The following MLLT1 variants were observed in gnomAD, a reference collection of about 807,000 sequenced individuals.
MLLT1 encodes MLLT1 super elongation complex subunit, also known as protein ENL.
In MLLT1, 11 loss-of-function variants were observed where a neutral mutation model predicts 55.1. That is an observed-to-expected ratio of 0.20 (90% CI 0.13 to 0.33). The LOEUF (loss-of-function observed/expected upper bound fraction) is 0.33. Among genes scored for constraint, MLLT1 ranks in the 10% least tolerant of loss-of-function variants. The pLI, the probability that MLLT1 is intolerant of heterozygous loss-of-function variation, is 1.00. For missense variants in MLLT1, 536 were observed against 760.6 expected (o/e 0.70, Z 3.47); for synonymous variants, 323 against 320.1 (o/e 1.01, Z -0.10).
chr19:6,211,931 C>A lies in MLLT1; in HGVS notation c.*1111G>T, dbSNP rs184943077. The A allele has an allele frequency of 3.8e-6, 4 of 1,065,110 alleles. No individual in the cohort carries two copies. Among genetic ancestry groups the A allele is most frequent in the Non-Finnish European group, 3.4e-6 (3 of 879,070 alleles). 66.0% of individuals were successfully genotyped at this position (1,065,110 alleles called of 1,614,324 possible). Reference sequence around the variant, plus strand: ...GCCAGGCCGCGACCAGAGAGAAAGGCAGCCTGGGAGGGCCAGCCCGGCCAA... The same window carrying A: ...GCCAGGCCGCGACCAGAGAGAAAGGAAGCCTGGGAGGGCCAGCCCGGCCAA... On this transcript the variant is annotated 3_prime_UTR_variant, in exon 12 of 12. Transcript: ENST00000252674. This position sits in a 1 kb window ranked among gnomAD's most constrained non-coding sequence, Gnocchi z 4.6.
Position 6,270,761 on chromosome 19 carries a change from TGGA to T in MLLT1, c.13-5_13-3del. The T allele has an allele frequency of 6.3e-7, 1 of 1,599,014 alleles. No homozygotes were observed. Among genetic ancestry groups the T allele is most frequent in the Middle Eastern group, 1.7e-4 (1 of 5,998 alleles). On this transcript the variant is annotated splice_region_variant and splice_polypyrimidine_tract_variant and intron_variant, in intron 1 of 11. Transcript: ENST00000252674. This position sits in a 1 kb window ranked among gnomAD's most constrained non-coding sequence, Gnocchi z 7.1. ...CTCTAACCTCACCTGGACGGTGCAC[TGGA>T]GGAGAGAGAGGTGGGGAGATGAAGT... is the stretch of plus-strand genomic sequence containing the variant.
intron 1 of MLLT1, among the ~76,000 whole-genome samples, chr19:6,279,226 G>T (rs2091444115): frequency 6.6e-6 from 1 of 152,136 alleles, no homozygotes; most frequent in African/African-American, 2.4e-5. Flanking sequence ...GCAGGTTGGG[G>T]ACTCTGGGAG....
At chr19:6,257,555 C>T (rs1470189316) in intron 3 of MLLT1, among the ~76,000 whole-genome samples, 1 of 152,166 alleles carries the variant, frequency 6.6e-6, no homozygotes, top group African/African-American at 2.4e-5. Flanking sequence ...AATCCCAGCA[C>T]TTTGGGAGGC....
chr19:6,216,515 TG>T lies in MLLT1; in HGVS notation c.1199-3del. On this transcript the variant is annotated splice_polypyrimidine_tract_variant and splice_region_variant and intron_variant, in intron 7 of 11. Coordinates refer to ENST00000252674, the MANE Select transcript of MLLT1 (RefSeq NM_005934.4). ...CCTCCACCATGGAGCGCAGGGGTCC[TG>T]GGGAGGCGGGGCAGGGAGGGAGGGG... 1 of 1,540,822 alleles carries T rather than the reference TG, an allele frequency of 6.5e-7. No individual in the cohort carries two copies.
At chr19:6,274,988 A>G (rs781472722) in intron 1 of MLLT1, among the ~76,000 whole-genome samples, 3 of 152,216 alleles carry the variant, frequency 2.0e-5, no homozygotes, top group Non-Finnish European at 4.4e-5. Context: ...GGGCTTTCTC[A>G]ACGCAGCGTG....
intron 1 of MLLT1, among the ~76,000 whole-genome samples, chr19:6,279,068 G>C (rs1001270081): frequency 1.3e-5 from 2 of 152,038 alleles, no homozygotes; most frequent in Non-Finnish European, 2.9e-5. Flanking sequence ...AGGATCAGAC[G>C]GGAGAGAAGG....
rs75875711 is a variant in MLLT1, at chr19:6,274,510, T to TAA, written c.13-3752_13-3751insTT. ...AAGTGACAGGCTCTCCAGAATGTCT[T>TAA]AGAGTGAATAATCTGATTGGTCAGT... On this transcript the variant is annotated intron_variant, in intron 1 of 11. Transcript: ENST00000252674. 8.3e-3 allele frequency among the ~76,000 whole-genome samples: 1,260 copies of TAA among 152,312 alleles called. 59 individuals are homozygous for TAA. In the East Asian group the frequency reaches 0.13, roughly 16 times the overall value.
intron 3 of MLLT1, chr19:6,259,817 A>AAAAAAAAAAC (rs2091288387): frequency 2.6e-5 from 4 of 151,598 alleles, no homozygotes. Context: ...AAAAAAAAAA[A>AAAAAAAAAAC]AAACAGAAAA....
chr19:6,244,873 A>T (rs1170095279), intron 3 of MLLT1, among the ~76,000 whole-genome samples: 1 of 152,226 alleles, frequency 6.6e-6, no homozygotes, highest in East Asian at 1.9e-4. Flanking sequence ...GATGCAAATC[A>T]AAACCTAACC....
chr19:6,226,068 G>A lies in MLLT1; in HGVS notation c.546+909C>T, dbSNP rs569984481. Among the ~76,000 whole-genome samples, 22 of 152,354 alleles carry A rather than the reference G, an allele frequency of 1.4e-4. No homozygotes were observed. The highest frequency in any genetic ancestry group is 3.6e-4 in the African/African-American group (15 of 41,590). On this transcript the variant is annotated intron_variant, in intron 5 of 11. Transcript: ENST00000252674. The surrounding 1 kb of genome is among the most constrained non-coding windows in gnomAD (Gnocchi z 6.3). ...CCAGAAAGACCTGCCTGGGTGCTGC[G>A]GTTCTTCTCCCGCATGGCTGACGGT...
Position 6,270,982 on chromosome 19 carries a change from T to A in MLLT1, c.13-223A>T, listed in dbSNP as rs74767706. Reference sequence around the variant, plus strand: ...CACACAGACCCCGTGTCTCCTCTCATCCACCGCCTCATCCTCAATTCCACC... The same window carrying A: ...CACACAGACCCCGTGTCTCCTCTCAACCACCGCCTCATCCTCAATTCCACC... On this transcript the variant is annotated intron_variant, in intron 1 of 11. Transcript: ENST00000252674. The surrounding 1 kb of genome is among the most constrained non-coding windows in gnomAD (Gnocchi z 7.1). 2.6e-3 allele frequency among the ~76,000 whole-genome samples: 400 copies of A among 152,126 alleles called. 1 individual carries two copies. Among genetic ancestry groups the A allele is most frequent in the African/African-American group, 9.2e-3 (381 of 41,506 alleles).
rs975751551 is a variant in MLLT1, at chr19:6,212,351, C to T, written c.*691G>A. 6 of 966,310 alleles carry T rather than the reference C, an allele frequency of 6.2e-6. No homozygotes were observed. The highest frequency in any genetic ancestry group is 2.3e-4 in the Admixed American group (2 of 8,608). The allele number at this position is 966,310 out of a possible 1,614,324, so 59.9% of individuals were successfully genotyped here. A position where few individuals can be genotyped will look rare whatever the true frequency, so the allele number is the denominator to read the frequency against. ...AGAGGGCCAGCTGCCGTGCCTGGCT[C>T]GGCCTCCAGCCCCACACCACCGCAG... is the stretch of plus-strand genomic sequence containing the variant. On this transcript the variant is annotated 3_prime_UTR_variant, in exon 12 of 12. Transcript: ENST00000252674.
chr19:6,221,984 CAAG>C, intron 6 of MLLT1, 134 bp downstream of exon 6: 1 of 638,814 alleles, frequency 1.6e-6, no homozygotes, highest in Non-Finnish European at 2.3e-6. Flanking sequence ...CCCCAGGTTA[CAAG>C]AAGCCAGTGG....
chr19:6,225,281 C>T (rs994738853), intron 5 of MLLT1, among the ~76,000 whole-genome samples: 5 of 152,220 alleles, frequency 3.3e-5, no homozygotes, highest in Non-Finnish European at 5.9e-5. Flanking sequence ...AGCAGTCCCC[C>T]GGCCTGGGGA....
intron 3 of MLLT1, among the ~76,000 whole-genome samples, chr19:6,237,763 C>CAAAAA (rs1269996726): frequency 1.4e-5 from 1 of 71,764 alleles, no homozygotes. Context: ...ACTCTTGTCT[C>CAAAAA]AAAAAAAAAA....
In MLLT1 at chr19:6,240,467, G is replaced by A. The variant is rs1390498331; in HGVS notation, c.277-9754C>T. ...GGAGCTGGCACCCGGCGCAGGTGACGTTGCCCATCTGTGCTCAGCGTCCTC... is the reference window on the plus strand; with the variant it reads ...GGAGCTGGCACCCGGCGCAGGTGACATTGCCCATCTGTGCTCAGCGTCCTC... On this transcript the variant is annotated intron_variant, in intron 3 of 11. Coordinates refer to ENST00000252674, the MANE Select transcript of MLLT1 (RefSeq NM_005934.4). The surrounding 1 kb of genome is among the most constrained non-coding windows in gnomAD (Gnocchi z 4.7). 1.3e-5 allele frequency among the ~76,000 whole-genome samples: 2 copies of A among 152,252 alleles called. No homozygotes were observed. Among genetic ancestry groups the A allele is most frequent in the Admixed American group, 1.3e-4 (2 of 15,294 alleles).
In MLLT1 at chr19:6,210,649, G is replaced by A. The variant is rs931600361; in HGVS notation, c.*2393C>T. 7.0e-5 allele frequency: 16 copies of A among 228,338 alleles called. No homozygotes were observed. The highest frequency in any genetic ancestry group is 1.4e-4 in the Non-Finnish European group (16 of 115,024). 14.1% of individuals were successfully genotyped at this position (228,338 alleles called of 1,614,324 possible). On this transcript the variant is annotated 3_prime_UTR_variant, in exon 12 of 12. Coordinates refer to ENST00000252674, the MANE Select transcript of MLLT1 (RefSeq NM_005934.4). The surrounding 1 kb of genome is among the most constrained non-coding windows in gnomAD (Gnocchi z 4.6). ...GGCGTCGGTTTACATTTTTGTTCAG[G>A]AGAGAGCAAAACACAGAGATTTGCA... is the stretch of plus-strand genomic sequence containing the variant.
At chr19:6,261,974 CAGG>C (rs1236307004) in intron 3 of MLLT1, among the ~76,000 whole-genome samples, 5 of 152,164 alleles carry the variant, frequency 3.3e-5, no homozygotes, top group African/African-American at 1.2e-4. Flanking sequence ...GGCAACTGGA[CAGG>C]AGGTGGCCCA....
rs968605025 is a variant in MLLT1 at position 6,244,079 on chromosome 19, C to T, written c.277-13366G>A. Among the ~76,000 whole-genome samples the T allele has an allele frequency of 2.0e-5, 3 of 151,058 alleles. 1 individual carries two copies. The South Asian group carries it at 6.3e-4, about 32-fold the overall frequency. Reference sequence around the variant, plus strand: ...AAAAAAAAAAAAGAAGTCAATCTCGCTTCTTAAGAGAACCCAACCGACCCT... The same window carrying T: ...AAAAAAAAAAAAGAAGTCAATCTCGTTTCTTAAGAGAACCCAACCGACCCT... On this transcript the variant is annotated intron_variant, in intron 3 of 11. Transcript: ENST00000252674.
Sources: gnomAD v4.1 joint callset for allele counts (sites outside exome capture counted in the v4.1 genomes callset) on GRCh38, gnomAD v4.1.1 for gene constraint, Gnocchi (gnomAD v3.1) non-coding constraint, MANE v1.5 for transcripts, NCBI Gene and HGNC (gene_info 2026-07-23, HGNC 2026-07-21) for gene names.